Variants in ABCF2 observed in about 807,000 individuals in gnomAD.
ABCF2 encodes the protein ATP binding cassette subfamily F member 2.
Under a neutral mutation model 76.9 loss-of-function variants are expected in ABCF2, and 37 were observed. The observed-to-expected ratio is 0.48, with a 90% confidence interval of 0.37 to 0.63. The LOEUF is 0.63. Ranked by LOEUF, ABCF2 falls within the 30% of genes least tolerant of loss-of-function variation. The probability of loss-of-function intolerance (pLI) is 0.00; values close to 1 mark genes in which losing one functional copy is unlikely to be tolerated. For missense variants in ABCF2, 524 were observed against 782.1 expected, an observed-to-expected ratio of 0.67 and a Z score of 3.94; for synonymous variants, 299 against 283.7, an observed-to-expected ratio of 1.05 and a Z score of -0.54.
At chr7:151,216,569 G>T (rs1802155121) in intron 11 of ABCF2, among the ~76,000 whole-genome samples, 1 of 152,210 alleles carries the variant, frequency 6.6e-6, no homozygotes, top group Admixed American at 6.5e-5. Flanking sequence ...CTGTTGCCCA[G>T]GCTGGAGTGC....
rs550165555 is a variant in ABCF2, at chr7:151,218,760, G to A, written c.1131C>T (p.Ser377=). The A allele has an allele frequency of 1.6e-5, 25 of 1,612,616 alleles. No homozygotes were observed. The highest frequency in any genetic ancestry group is 8.9e-5 in the East Asian group (4 of 44,786). The change falls in exon 9 of 15, where the codon AGC becomes AGT. Residue 377 remains serine (S), a synonymous_variant. Transcript: ENST00000287844. ...MASGLTERVV[S]DKTLSFYFPP... is the part of the protein sequence containing the mutation. ...CCACCCAATCACACCCCACCTTATC[G>A]CTCACGACCCTCTCTGTCAGTCCTG...
intron 7 of ABCF2, among the ~76,000 whole-genome samples, chr7:151,221,021 T>A (rs558577809): frequency 7.5e-4 from 114 of 152,336 alleles, no homozygotes; most frequent in African/African-American, 2.6e-3. Context: ...GCCTGCCTGG[T>A]CACCGTGAAA....
At chr7:151,224,262 GC>G in intron 3 of ABCF2, 148 bp from the exon 4 acceptor site, 4 of 789,520 alleles carry the variant, frequency 5.1e-6, no homozygotes, top group Non-Finnish European at 8.0e-6. Context: ...AATCTTGCCA[GC>G]CCCCATTCTT....
At chr7:151,218,058 C>A in intron 11 of ABCF2, 23 bp downstream of exon 11, 1 of 1,544,052 alleles carries the variant, frequency 6.5e-7, no homozygotes, top group Admixed American at 1.7e-5. Flanking sequence ...TTAGAGGGAT[C>A]CACGCCCACC....
rs1237479520 is a variant in ABCF2, at chr7:151,214,541, C to T, written c.1734+338G>A. ...TTTCTCAAATGACTGTGGTAGCTGT[C>T]TAATCAAAATCCTCCTTAGAATACT... On this transcript the variant is annotated intron_variant, in intron 14 of 14. Coordinates refer to ENST00000287844, the MANE Select transcript of ABCF2 (RefSeq NM_007189.3). This position sits in a 1 kb window ranked among gnomAD's most constrained non-coding sequence, Gnocchi z 4.9. 6.6e-6 allele frequency among the ~76,000 whole-genome samples: 1 copy of T among 152,178 alleles called. No individual in the cohort carries two copies. The highest frequency in any genetic ancestry group is 2.4e-5 in the African/African-American group (1 of 41,440).
rs1414443240 is a variant in ABCF2 at position 151,221,682 on chromosome 7, T to C, written c.819-2A>G. ...ACGAGGACCAAGATGCGCTTAAAAC[T>C]GTAAAGCCAAAGAACCAATTAGTGA... is the stretch of plus-strand genomic sequence containing the variant. On this transcript the variant is annotated splice_acceptor_variant, in intron 6 of 14. Transcript: ENST00000287844. LOFTEE classifies it high-confidence loss of function. 2 of 1,604,532 alleles carry C rather than the reference T, an allele frequency of 1.2e-6. No homozygotes were observed. The highest frequency in any genetic ancestry group is 8.5e-7 in the Non-Finnish European group (1 of 1,171,444).
rs764103686 is a variant in ABCF2 at position 151,218,863 on chromosome 7, G to A, written c.1028C>T (p.Ala343Val). 4.3e-6 allele frequency: 7 copies of A among 1,613,294 alleles called. No homozygotes were observed. The highest frequency in any genetic ancestry group is 5.9e-6 in the Non-Finnish European group (7 of 1,179,996). ...CTTGGCACTGCCATGACCAAACCTC[G>A]CAATGTAGTTCTAAAAAAGACCAAA... Reference protein sequence around the residue: ...DQIAHMKNYIARFGHGSAKLA... With the variant: ...DQIAHMKNYIVRFGHGSAKLA... Residue 343 changes from alanine to valine, a missense_variant, in exon 9 of 15, where the codon GCG becomes GTG. Physicochemically the swap from Ala to Val is moderately conservative, Grantham distance 64 (BLOSUM62 0). Coordinates refer to ENST00000287844, the MANE Select transcript of ABCF2 (RefSeq NM_007189.3).
chr7:151,218,019 C>A, intron 11 of ABCF2, 62 bp downstream of exon 11: 1 of 1,280,138 alleles, frequency 7.8e-7, no homozygotes, highest in Non-Finnish European at 1.1e-6. Flanking sequence ...CATCACTCCC[C>A]TCTTCCTTAA....
At chr7:151,218,288 G>A in intron 10 of ABCF2, 97 bp from the exon 11 acceptor site, 1 of 898,480 alleles carries the variant, frequency 1.1e-6, no homozygotes, top group Admixed American at 2.0e-5. Flanking sequence ...CACCAAGAGA[G>A]GAGGAAGGGA....
chr7:151,223,581 AC>A, intron 5 of ABCF2, 96 bp downstream of exon 5: 1 of 1,372,540 alleles, frequency 7.3e-7, no homozygotes, highest in East Asian at 2.3e-5. Flanking sequence ...TTTGACACTT[AC>A]CACTGACTCC....
chr7:151,226,262 A>G, intron 2 of ABCF2, 43 bp downstream of exon 2: 1 of 1,593,760 alleles, frequency 6.3e-7, no homozygotes, highest in South Asian at 1.1e-5. Flanking sequence ...GGCATGCATT[A>G]AGTCTTAGCA....
intron 11 of ABCF2, among the ~76,000 whole-genome samples, chr7:151,216,411 G>A (rs1802151532): frequency 6.6e-6 from 1 of 152,184 alleles, no homozygotes; most frequent in African/African-American, 2.4e-5. Flanking sequence ...CACTTTAAGT[G>A]AAACAACATA....
At chr7:151,219,776 A>T (rs1039356785) in intron 7 of ABCF2, among the ~76,000 whole-genome samples, 2 of 152,256 alleles carry the variant, frequency 1.3e-5, no homozygotes, top group African/African-American at 2.4e-5. Context: ...TACTAAATTT[A>T]AAAAAGCAAC....
chr7:151,226,780 G>A (rs1802381876), intron 1 of ABCF2: 2 of 237,926 alleles, frequency 8.4e-6, no homozygotes, highest in Non-Finnish European at 8.1e-6. Flanking sequence ...CTGGGGACCA[G>A]GTTCTGCCCC....
chr7:151,214,812 T>A lies in ABCF2; in HGVS notation c.1734+67A>T. The A allele has an allele frequency of 6.0e-6, 9 of 1,491,108 alleles. No homozygotes were observed. The South Asian group carries it at 9.1e-5, about 15-fold the overall frequency. The allele number at this position is 1,491,108 out of a possible 1,614,324, so 92.4% of individuals were successfully genotyped here. On this transcript the variant is annotated intron_variant, in intron 14 of 14. Transcript: ENST00000287844. This position sits in a 1 kb window ranked among gnomAD's most constrained non-coding sequence, Gnocchi z 4.9. The stretch of plus-strand genomic sequence containing the variant: ...AGGCGGGTATTATGCACCCTCCACA[T>A]GCCATGACTACCCTACCCAACCCCC...
At chr7:151,219,031 G>T (rs781339512) in intron 8 of ABCF2, 33 bp downstream of exon 8, 37 of 560,940 alleles carry the variant, frequency 6.6e-5, no homozygotes, top group African/African-American at 8.5e-5. Flanking sequence ...TTTCAGACAG[G>T]AGGCCATGAG....
chr7:151,213,523 C>G lies in ABCF2; in HGVS notation c.*531G>C. ...AGGTAGGGACCGTGGCTTCCTCTTT[C>G]TTTATTGGGCGCTTTGTAGATGTCA... On this transcript the variant is annotated 3_prime_UTR_variant, in exon 15 of 15. Transcript: ENST00000287844. 3 of 985,910 alleles carry G rather than the reference C, an allele frequency of 3.0e-6. No homozygotes were observed. Among genetic ancestry groups the G allele is most frequent in the Non-Finnish European group, 2.4e-6 (2 of 830,360 alleles). 61.1% of individuals were successfully genotyped at this position (985,910 alleles called of 1,614,324 possible).
At chr7:151,221,202 CTT>C (rs57035639) in intron 7 of ABCF2, among the ~76,000 whole-genome samples, 19 of 140,460 alleles carry the variant, frequency 1.4e-4, no homozygotes, top group Admixed American at 2.1e-4. Context: ...GATAGGTCTG[CTT>C]TTTTTTTTTT....
In ABCF2 at chr7:151,223,810, T is replaced by C. The variant is rs1802320703; in HGVS notation, c.590A>G (p.Glu197Gly). 1 of 1,613,802 alleles carries C rather than the reference T, an allele frequency of 6.2e-7. No individual in the cohort carries two copies. The highest frequency in any genetic ancestry group is 1.7e-5 in the Admixed American group (1 of 59,986). ...CTCTGCCTTGTCGGCATCCAGCTCC[T>C]CCAGGCGCTCGTAGAGCTCCATGAG... ...EKLMELYERLEELDADKAEMR... is the reference protein window; with the variant it reads ...EKLMELYERLGELDADKAEMR... The change falls in exon 5 of 15, where the codon GAG becomes GGG. Residue 197 changes from glutamate (E) to glycine (G), a missense_variant. By Grantham distance (98) the Glu-to-Gly change is moderately conservative. This residue lies in a region of ABCF2 where 330 missense variants were observed against 433.6 expected (regional missense o/e 0.76). Transcript: ENST00000287844.
Sources: allele counts gnomAD v4.1 joint callset (sites outside exome capture counted in the v4.1 genomes callset), GRCh38; gene constraint gnomAD v4.1.1; regional missense constraint gnomAD v4.1.1; non-coding constraint Gnocchi (gnomAD v3.1); transcripts MANE v1.5; gene names NCBI Gene and HGNC (gene_info 2026-07-23, HGNC 2026-07-21).